Variants in SYNM observed in about 807,000 individuals in gnomAD.
SYNM encodes desmuslin.
In SYNM, 95 loss-of-function variants were observed where a neutral mutation model predicts 104.0. That is an observed-to-expected ratio of 0.91 (90% CI 0.77 to 1.08). SYNM has a LOEUF of 1.08. Ranked by LOEUF, SYNM falls within the 50% of genes least tolerant of loss-of-function variation. The pLI, the probability that SYNM is intolerant of heterozygous loss-of-function variation, is 0.00. For missense variants in SYNM, 2,150 were observed against 2,052.2 expected (o/e 1.05, Z -0.92); for synonymous variants, 918 against 869.0 (o/e 1.06, Z -0.99).
Position 99,133,712 on chromosome 15 carries a change from G to A in SYNM, c.*654G>A, listed in dbSNP as rs2067536339. 1 of 153,312 alleles carries A rather than the reference G, an allele frequency of 6.5e-6. No homozygotes were observed. Among genetic ancestry groups the A allele is most frequent in the African/African-American group, 2.4e-5 (1 of 41,448 alleles). The allele number at this position is 153,312 out of a possible 1,614,324, so 9.5% of individuals were successfully genotyped here. ...ATGGCGAGGACAGCTGTAGTCTGTT[G>A]TGATATTTCACATTCTATTTGCACA... On this transcript the variant is annotated 3_prime_UTR_variant, in exon 4 of 4. Transcript: ENST00000336292.
chr15:99,132,763 A>C lies in SYNM; in HGVS notation c.4403A>C (p.Asn1468Thr), dbSNP rs376187806. 3.7e-5 allele frequency: 59 copies of C among 1,613,748 alleles called. No homozygotes were observed. Among genetic ancestry groups the C allele is most frequent in the Non-Finnish European group, 5.0e-5 (59 of 1,179,886 alleles). Residue 1468 changes from asparagine (N) to threonine (T), a missense_variant, in exon 4 of 4, where the codon AAC (asparagine) becomes ACC (threonine). Physicochemically the swap from Asn to Thr is moderately conservative, Grantham distance 65 (BLOSUM62 0). Transcript: ENST00000336292. ...TSFTFQMDVS[N>T]VEAIRSRTQE... is the part of the protein sequence containing the mutation. The stretch of plus-strand genomic sequence containing the variant: ...TTTACCTTTCAGATGGATGTGAGTA[A>C]CGTAGAGGCGATCCGCAGCCGGACA...
intron 1 of SYNM, among the ~76,000 whole-genome samples, chr15:99,110,963 C>T (rs547701313): frequency 6.6e-6 from 1 of 152,326 alleles, no homozygotes; most frequent in Non-Finnish European, 1.5e-5. Context: ...TCTGCAGAGA[C>T]CACTGGGAGC....
intron 1 of SYNM, among the ~76,000 whole-genome samples, chr15:99,112,533 G>GT (rs2067307993): frequency 6.6e-6 from 1 of 152,152 alleles, no homozygotes; most frequent in South Asian, 2.1e-4. Flanking sequence ...TATGTGCTGT[G>GT]TGACTTGTAT....
In SYNM at chr15:99,106,064, C is replaced by T. The variant is rs2067239181; in HGVS notation, c.810+55C>T. On this transcript the variant is annotated intron_variant, in intron 1 of 3. Coordinates refer to ENST00000336292, the MANE Select transcript of SYNM (RefSeq NM_145728.3). ...CATACCCGCTGCCGTCGCCCCAGCA[C>T]CCTGCCCTTGACGGCGTGGGGCAGC... The T allele has an allele frequency of 9.5e-6, 13 of 1,362,734 alleles. No individual in the cohort carries two copies. The South Asian group carries it at 1.7e-4, about 18-fold the overall frequency. The allele number at this position is 1,362,734 out of a possible 1,614,324, so 84.4% of individuals were successfully genotyped here.
intron 2 of SYNM, among the ~76,000 whole-genome samples, chr15:99,126,124 A>G (rs7164548): frequency 0.53 from 81,180 of 151,964 alleles, 21,946 homozygotes; most frequent in Middle Eastern, 0.61. Context: ...GGGGCGCTTT[A>G]GCACTACCTT....
At chr15:99,106,467 CA>C in intron 1 of SYNM, among the ~76,000 whole-genome samples, 1 of 152,172 alleles carries the variant, frequency 6.6e-6, no homozygotes, top group Non-Finnish European at 1.5e-5. Flanking sequence ...AATTAATTTC[CA>C]AAACGGTTTT....
rs782483466 is a variant in SYNM at position 99,130,094 on chromosome 15, G to A, written c.1734G>A (p.Pro578=). 15 of 1,613,924 alleles carry A rather than the reference G, an allele frequency of 9.3e-6. No individual in the cohort carries two copies. The highest frequency in any genetic ancestry group is 1.3e-5 in the African/African-American group (1 of 75,008). ...AGAGCGTGCGAGAGAGAGAGGTGCC[G>A]ATTAGTCTAGAAGTATCCCAGGACA... The part of the protein sequence containing the change: ...KEKSVREREV[P]ISLEVSQDRR... The change falls in exon 4 of 4, where the codon CCG becomes CCA. Residue 578 remains proline, a synonymous_variant. Transcript: ENST00000336292.
intron 2 of SYNM, among the ~76,000 whole-genome samples, chr15:99,123,259 T>C (rs1555484698): frequency 6.6e-6 from 1 of 151,822 alleles, no homozygotes; most frequent in Non-Finnish European, 1.5e-5. Context: ...TGCGCTTGCT[T>C]CCTCTCTGTT....
intron 2 of SYNM, among the ~76,000 whole-genome samples, chr15:99,120,282 A>G (rs538159606): frequency 6.6e-6 from 1 of 152,228 alleles, no homozygotes; most frequent in African/African-American, 2.4e-5. Context: ...TAGGATGATG[A>G]TGTGTCGGGT....
rs782705010 is a variant in SYNM at position 99,129,413 on chromosome 15, G to A, written c.1053G>A (p.Arg351=). Residue 351 remains arginine, a synonymous_variant, in exon 4 of 4, where the codon AGG becomes AGA. Transcript: ENST00000336292. ...ACTATACCGACTCACTACTACAGAG[G>A]GAAAATGAAAGGAATCTATTTTCAA... ...SYHYTDSLLQ[R]ENERNLFSRQ... 5.6e-6 allele frequency: 9 copies of A among 1,613,830 alleles called. No individual in the cohort carries two copies. Among genetic ancestry groups the A allele is most frequent in the Admixed American group, 5.0e-5 (3 of 60,000 alleles).
chr15:99,116,865 C>T lies in SYNM; in HGVS notation c.935+3150C>T, dbSNP rs369306424. 3.5e-5 allele frequency among the ~76,000 whole-genome samples: 5 copies of T among 143,322 alleles called. 1 individual carries two copies. The highest frequency in any genetic ancestry group is 2.3e-4 in the East Asian group (1 of 4,360). 94.0% of individuals were successfully genotyped at this position (143,322 alleles called of 152,430 possible). A position where few individuals can be genotyped will look rare whatever the true frequency, so the allele number is the denominator to read the frequency against. On this transcript the variant is annotated intron_variant, in intron 2 of 3. Transcript: ENST00000336292. ...CTAATTCTTGTATTTTTAGTAAAGACGGGGTTTCACCATATTGGCCAGGCT... is the reference window on the plus strand; with the variant it reads ...CTAATTCTTGTATTTTTAGTAAAGATGGGGTTTCACCATATTGGCCAGGCT...
intron 1 of SYNM, 77 bp downstream of exon 1, chr15:99,106,086 C>T (rs1555482782): frequency 2.3e-6 from 3 of 1,327,538 alleles, no homozygotes; most frequent in Non-Finnish European, 2.9e-6. Flanking sequence ...CGGCGTGGGG[C>T]AGCGGCCCCT....
At chr15:99,128,674 C>T (rs951044018) in intron 3 of SYNM, among the ~76,000 whole-genome samples, 3 of 152,226 alleles carry the variant, frequency 2.0e-5, no homozygotes, top group Admixed American at 1.3e-4. Flanking sequence ...GTGTGGACAC[C>T]CCAAAGGGTA....
Position 99,105,095 on chromosome 15 carries a change from G to C in SYNM, c.-105G>C. 1.5e-6 allele frequency: 2 copies of C among 1,335,244 alleles called. No individual in the cohort carries two copies. Among genetic ancestry groups the C allele is most frequent in the South Asian group, 1.4e-5 (1 of 71,358 alleles). The allele number at this position is 1,335,244 out of a possible 1,614,324, so 82.7% of individuals were successfully genotyped here. The stretch of plus-strand genomic sequence containing the variant: ...CTCGCGTCCCAGTCTGCGGGCCTCC[G>C]GGGCAGCGGCGAGGCCGGAGCGTCG... On this transcript the variant is annotated 5_prime_UTR_variant, in exon 1 of 4. Transcript: ENST00000336292.
Position 99,130,195 on chromosome 15 carries a change from A to C in SYNM, c.1835A>C (p.Glu612Ala), listed in dbSNP as rs5030692. 21,671 of 1,613,956 alleles carry C rather than the reference A, an allele frequency of 0.013. 512 individuals carry two copies. Among genetic ancestry groups the C allele is most frequent in the Admixed American group, 0.11 (6,429 of 60,026 alleles). The change falls in exon 4 of 4, where the codon GAA becomes GCA. Residue 612 changes from glutamate to alanine, a missense_variant. Glu to Ala is a moderately radical substitution (Grantham distance 107). Coordinates refer to ENST00000336292, the MANE Select transcript of SYNM (RefSeq NM_145728.3). ...DAGGGTGREA[E>A]ARELRFRLGT... is the part of the protein sequence containing the mutation. ...GGTGGTGGGACCGGTAGAGAGGCAG[A>C]AGCAAGAGAGCTACGGTTCAGGTTG...
intron 2 of SYNM, among the ~76,000 whole-genome samples, chr15:99,124,725 C>T (rs1451368278): frequency 6.6e-6 from 1 of 152,174 alleles, no homozygotes; most frequent in Non-Finnish European, 1.5e-5. Flanking sequence ...TTTCTCTTTA[C>T]TGGTGAGCCG....
chr15:99,111,685 T>C (rs1430640320), intron 1 of SYNM, among the ~76,000 whole-genome samples: 1 of 152,252 alleles, frequency 6.6e-6, no homozygotes, highest in Non-Finnish European at 1.5e-5. Flanking sequence ...ACAGCCATCA[T>C]TGGCATAGAA....
At position 99,131,727 on chromosome 15, in the gene SYNM, G is replaced by T. The variant is rs782488180; in HGVS notation, c.3367G>T (p.Ala1123Ser). ...ACAGGTGCTGGAGGATGTGAGCCAGGCTGCAAGGCACATAAAACTCGGCCC... is the reference window on the plus strand; with the variant it reads ...ACAGGTGCTGGAGGATGTGAGCCAGTCTGCAAGGCACATAAAACTCGGCCC... Reference protein sequence around the residue: ...QSQVLEDVSQAARHIKLGPSE... With the variant: ...QSQVLEDVSQSARHIKLGPSE... Residue 1123 changes from alanine to serine, a missense_variant, in exon 4 of 4, where the codon GCT (alanine) becomes TCT (serine). By Grantham distance (99) the Ala-to-Ser change is moderately conservative. Coordinates refer to ENST00000336292, the MANE Select transcript of SYNM (RefSeq NM_145728.3). This position sits in a 1 kb window ranked among gnomAD's most constrained non-coding sequence, Gnocchi z 4.3. The T allele has an allele frequency of 2.5e-6, 4 of 1,613,844 alleles. No individual in the cohort carries two copies. The highest frequency in any genetic ancestry group is 3.4e-6 in the Non-Finnish European group (4 of 1,179,900).
chr15:99,113,191 T>C (rs782584449), intron 1 of SYNM, among the ~76,000 whole-genome samples: 1 of 152,236 alleles, frequency 6.6e-6, no homozygotes, highest in Non-Finnish European at 1.5e-5. Context: ...GAGTGACTTA[T>C]GTTTTGAATA....
Sources: gnomAD v4.1 joint callset for allele counts (sites outside exome capture counted in the v4.1 genomes callset) on GRCh38, gnomAD v4.1.1 for gene constraint, Gnocchi (gnomAD v3.1) non-coding constraint, MANE v1.5 for transcripts, NCBI Gene and HGNC (gene_info 2026-07-23, HGNC 2026-07-21) for gene names.